Variants in THSD4 observed in about 807,000 individuals in gnomAD.
The protein encoded by THSD4 is thrombospondin type 1 domain containing 4.
Under a neutral mutation model 119.0 loss-of-function variants are expected in THSD4, and 69 were observed. The observed-to-expected ratio is 0.58, with a 90% CI of 0.48 to 0.71. The LOEUF (loss-of-function observed/expected upper bound fraction) is 0.71. THSD4 is among the 30% of genes least tolerant of loss of function. The pLI is 0.00. For synonymous variants in THSD4, 524 were observed against 540.4 expected (o/e 0.97, Z 0.42); for missense variants, 1,393 against 1,391.1 (o/e 1.00, Z -0.02).
intron 8 of THSD4, among the ~76,000 whole-genome samples, chr15:71,670,531 G>A (rs564479564): frequency 6.8e-4 from 102 of 150,716 alleles, no homozygotes; most frequent in Non-Finnish European, 1.3e-3. Context: ...AAGTTCTAGG[G>A]TACATGTGCA....
At chr15:71,707,708 G>A (rs1315094187) in intron 8 of THSD4, among the ~76,000 whole-genome samples, 1 of 152,164 alleles carries the variant, frequency 6.6e-6, no homozygotes, top group Non-Finnish European at 1.5e-5. Context: ...GGTTGAATAG[G>A]TCATTTCCCT....
intron 6 of THSD4, among the ~76,000 whole-genome samples, chr15:71,388,751 A>T (rs1179148139): frequency 6.6e-6 from 1 of 151,642 alleles, no homozygotes; most frequent in Non-Finnish European, 1.5e-5. Flanking sequence ...GTCCTTTTTT[A>T]AAAAAATTGT....
At chr15:71,540,285 G>T (rs1195314193) in intron 7 of THSD4, among the ~76,000 whole-genome samples, 1 of 151,060 alleles carries the variant, frequency 6.6e-6, no homozygotes, top group African/African-American at 2.4e-5. Context: ...TTATAGGCAT[G>T]CACCACCACG....
At chr15:71,676,123 A>G (rs1403322502) in intron 8 of THSD4, among the ~76,000 whole-genome samples, 11 of 152,240 alleles carry the variant, frequency 7.2e-5, no homozygotes, top group Non-Finnish European at 1.5e-4. Context: ...TCCAGCTCTT[A>G]AAAAGAGTAG....
At chr15:71,622,531 G>T (rs943567397) in intron 7 of THSD4, among the ~76,000 whole-genome samples, 1 of 152,098 alleles carries the variant, frequency 6.6e-6, no homozygotes, top group Non-Finnish European at 1.5e-5. Flanking sequence ...TTACTTCATT[G>T]CAACTTAGCA....
intron 6 of THSD4, among the ~76,000 whole-genome samples, chr15:71,269,984 G>T (rs932999657): frequency 1.3e-5 from 2 of 151,990 alleles, no homozygotes; most frequent in African/African-American, 4.8e-5. Flanking sequence ...TTCCATGCTC[G>T]TGGATAGGAA....
chr15:71,627,941 T>C (rs1016833082), intron 7 of THSD4, among the ~76,000 whole-genome samples: 13 of 152,236 alleles, frequency 8.5e-5, no homozygotes, highest in Non-Finnish European at 1.5e-4. Context: ...GGTTCACATA[T>C]GGACAACCTG....
intron 6 of THSD4, among the ~76,000 whole-genome samples, chr15:71,264,113 C>T (rs537458928): frequency 6.3e-4 from 96 of 152,188 alleles, no homozygotes; most frequent in Non-Finnish European, 1.0e-3. Flanking sequence ...GGGCAGGGGG[C>T]GCTGTCAGAT....
chr15:71,477,509 A>T lies in THSD4; in HGVS notation c.1152+65686A>T, dbSNP rs768112470. 5.9e-5 allele frequency among the ~76,000 whole-genome samples: 9 copies of T among 152,254 alleles called. No homozygotes were observed. In the East Asian group the frequency reaches 7.7e-4, roughly 13 times the overall value. ...GACATTTGAAAGTTACTGGAGTGGG[A>T]TTAGGAGTATGGAGGCCACATTGGG... On this transcript the variant is annotated intron_variant, in intron 7 of 17. Transcript: ENST00000261862.
intron 11 of THSD4, among the ~76,000 whole-genome samples, chr15:71,742,596 C>T (rs1388820539): frequency 6.6e-6 from 1 of 152,186 alleles, no homozygotes; most frequent in Non-Finnish European, 1.5e-5. Context: ...CTGCCTGAAG[C>T]CCAGCCAGTG....
chr15:71,480,245 C>T (rs1302489831), intron 7 of THSD4, among the ~76,000 whole-genome samples: 4 of 152,108 alleles, frequency 2.6e-5, no homozygotes, highest in Non-Finnish European at 1.5e-5. Context: ...ACTATGTTGC[C>T]CACGTTGGTC....
At chr15:71,622,518 TCTTTA>T (rs555613439) in intron 7 of THSD4, among the ~76,000 whole-genome samples, 93 of 152,368 alleles carry the variant, frequency 6.1e-4, no homozygotes, top group African/African-American at 2.2e-3. Flanking sequence ...TCCGTATGTC[TCTTTA>T]CTTCATTGCA....
intron 8 of THSD4, among the ~76,000 whole-genome samples, chr15:71,712,652 C>T (rs897875484): frequency 1.3e-5 from 2 of 152,098 alleles, no homozygotes; most frequent in Non-Finnish European, 2.9e-5. Flanking sequence ...ATTGATAAGC[C>T]TCTATTCACA....
chr15:71,767,849 A>G (rs2053740659), intron 16 of THSD4, among the ~76,000 whole-genome samples: 3 of 152,234 alleles, frequency 2.0e-5, no homozygotes, highest in African/African-American at 7.2e-5. Context: ...GTTCTTAAAC[A>G]CAACAGAGCT....
At chr15:71,449,164 C>T (rs901568528) in intron 7 of THSD4, among the ~76,000 whole-genome samples, 2 of 152,182 alleles carry the variant, frequency 1.3e-5, no homozygotes, top group Non-Finnish European at 2.9e-5. Context: ...ACAGAGGACA[C>T]TCAGTTGCCA....
intron 7 of THSD4, among the ~76,000 whole-genome samples, chr15:71,599,763 G>A (rs759262578): frequency 2.0e-5 from 3 of 152,204 alleles, no homozygotes; most frequent in Non-Finnish European, 4.4e-5. Flanking sequence ...CAGGAGGAAC[G>A]TGTGTGCATT....
At chr15:71,390,706 A>G (rs1187381107) in intron 6 of THSD4, among the ~76,000 whole-genome samples, 1 of 152,142 alleles carries the variant, frequency 6.6e-6, no homozygotes, top group African/African-American at 2.4e-5. Flanking sequence ...TCTACAGAGT[A>G]GAGTTGGAAG....
chr15:71,628,724 G>C (rs1322191116), intron 7 of THSD4, among the ~76,000 whole-genome samples: 1 of 152,202 alleles, frequency 6.6e-6, no homozygotes, highest in Non-Finnish European at 1.5e-5. Flanking sequence ...TGATGGAGAC[G>C]TTCAAGAGTC....
chr15:71,381,277 C>T (rs931927040), intron 6 of THSD4, among the ~76,000 whole-genome samples: 2 of 152,276 alleles, frequency 1.3e-5, no homozygotes, highest in South Asian at 2.1e-4. Context: ...AATTCAGGTA[C>T]TTAGCACCAT....
Sources: allele counts gnomAD v4.1 joint callset (sites outside exome capture counted in the v4.1 genomes callset), GRCh38; gene constraint gnomAD v4.1.1; transcripts MANE v1.5; gene names NCBI Gene and HGNC (gene_info 2026-07-23, HGNC 2026-07-21).